The following ADGRL3 variants were observed in gnomAD, a reference collection of about 807,000 sequenced individuals.
The protein encoded by ADGRL3 is calcium-independent alpha-latrotoxin receptor 3.
Under a neutral mutation model 153.5 loss-of-function variants are expected in ADGRL3, and 62 were observed. The ratio of observed to expected loss-of-function variants is 0.40; its 90% CI spans 0.33 to 0.50. The LOEUF is 0.50. Ranked by LOEUF, ADGRL3 falls within the 20% of genes least tolerant of loss-of-function variation. The pLI is 0.47. For missense variants in ADGRL3, 1,641 were observed against 1,859.4 expected, an observed-to-expected ratio of 0.88 and a Z score of 2.16; for synonymous variants, 710 against 672.5, an observed-to-expected ratio of 1.06 and a Z score of -0.86.
At chr4:61,934,171 A>G (rs960825052) in intron 13 of ADGRL3, among the ~76,000 whole-genome samples, 2 of 152,210 alleles carry the variant, frequency 1.3e-5, no homozygotes, top group African/African-American at 4.8e-5. Flanking sequence ...TTTTTAAAAG[A>G]TAAAACACCT....
intron 1 of ADGRL3, among the ~76,000 whole-genome samples, chr4:61,272,954 G>C (rs913962928): frequency 6.6e-5 from 10 of 152,058 alleles, no homozygotes; most frequent in Non-Finnish European, 1.3e-4. Flanking sequence ...GAGTGGCTGG[G>C]TTTGCCTCAG....
intron 3 of ADGRL3, among the ~76,000 whole-genome samples, chr4:61,504,463 G>T (rs1011647433): frequency 6.6e-6 from 1 of 152,048 alleles, no homozygotes; most frequent in Non-Finnish European, 1.5e-5. Flanking sequence ...AGGGTAATTA[G>T]GGTGTCTGTC....
chr4:61,255,626 C>G (rs888351073), intron 1 of ADGRL3, among the ~76,000 whole-genome samples: 3 of 152,080 alleles, frequency 2.0e-5, no homozygotes, highest in Admixed American at 1.3e-4. Context: ...ATCAATGTTA[C>G]GAAATTCCAT....
intron 1 of ADGRL3, among the ~76,000 whole-genome samples, chr4:61,350,371 G>T (rs2096018292): frequency 2.7e-5 from 4 of 147,748 alleles, no homozygotes; most frequent in Non-Finnish European, 1.5e-5. Context: ...TTCTATCTGG[G>T]GAAATGTACA....
chr4:61,718,489 T>C (rs1242030323), intron 6 of ADGRL3, among the ~76,000 whole-genome samples: 2 of 152,220 alleles, frequency 1.3e-5, no homozygotes, highest in African/African-American at 4.8e-5. Context: ...ATATAACTTC[T>C]ATTTGAAATG....
chr4:61,995,969 T>A (rs2151033870), intron 19 of ADGRL3, among the ~76,000 whole-genome samples: 1 of 152,318 alleles, frequency 6.6e-6, no homozygotes, highest in Non-Finnish European at 1.5e-5. Context: ...TAAAGCTACT[T>A]GATTTAATGG....
intron 9 of ADGRL3, among the ~76,000 whole-genome samples, chr4:61,864,530 C>G (rs902700859): frequency 2.1e-4 from 32 of 152,206 alleles, no homozygotes; most frequent in African/African-American, 7.7e-4. Flanking sequence ...CCACAAAAAG[C>G]CAAGCTTTTA....
intron 1 of ADGRL3, among the ~76,000 whole-genome samples, chr4:61,293,894 G>A (rs1037296190): frequency 6.6e-5 from 10 of 152,154 alleles, no homozygotes; most frequent in African/African-American, 2.4e-4. Context: ...CTTCACAGAT[G>A]TGAAAAGGTC....
chr4:61,898,650 G>T (rs912438476), intron 11 of ADGRL3, among the ~76,000 whole-genome samples: 1 of 149,534 alleles, frequency 6.7e-6, no homozygotes, highest in Admixed American at 6.7e-5. Flanking sequence ...ATGAAGTCTC[G>T]CTCTGTCACC....
chr4:61,933,133 A>G (rs911896466), intron 13 of ADGRL3, among the ~76,000 whole-genome samples: 1 of 152,102 alleles, frequency 6.6e-6, no homozygotes, highest in African/African-American at 2.4e-5. Flanking sequence ...CATAAGGAAC[A>G]GACATAATTT....
chr4:61,270,109 A>G (rs986661711), intron 1 of ADGRL3, among the ~76,000 whole-genome samples: 1 of 151,672 alleles, frequency 6.6e-6, no homozygotes, highest in East Asian at 1.9e-4. Context: ...ACCCCAATTT[A>G]CTTAGAGGTA....
chr4:61,265,386 A>T (rs1022841080), intron 1 of ADGRL3, among the ~76,000 whole-genome samples: 5 of 151,774 alleles, frequency 3.3e-5, no homozygotes, highest in African/African-American at 7.2e-5. Context: ...ATGCCTGATG[A>T]TTCTGGGCTG....
chr4:61,750,788 T>C (rs2096746445), intron 8 of ADGRL3, among the ~76,000 whole-genome samples: 1 of 90,664 alleles, frequency 1.1e-5, no homozygotes, highest in African/African-American at 8.5e-5. Flanking sequence ...AGACTCCGTC[T>C]CAAAAAAGAA....
chr4:61,497,467 A>G (rs1231874406), intron 3 of ADGRL3, 119 bp downstream of exon 3: 4 of 547,236 alleles, frequency 7.3e-6, no homozygotes, highest in Non-Finnish European at 1.2e-5. Context: ...ATATGTTAGT[A>G]TGAGTAAGTT....
intron 6 of ADGRL3, among the ~76,000 whole-genome samples, chr4:61,709,131 A>G (rs991856005): frequency 5.9e-5 from 9 of 152,270 alleles, no homozygotes; most frequent in African/African-American, 2.2e-4. Flanking sequence ...TTCAAGGCCT[A>G]TTATACACAG....
chr4:61,485,692 T>A (rs2098183357), intron 2 of ADGRL3, among the ~76,000 whole-genome samples: 1 of 152,176 alleles, frequency 6.6e-6, no homozygotes, highest in Admixed American at 6.5e-5. Context: ...TGGAAGGAGT[T>A]GGAATAGGAT....
At chr4:61,736,394 C>T (rs1013801425) in intron 8 of ADGRL3, among the ~76,000 whole-genome samples, 1 of 152,162 alleles carries the variant, frequency 6.6e-6, no homozygotes, top group African/African-American at 2.4e-5. Flanking sequence ...TGGCTCTTGC[C>T]TGTAATCCCA....
In ADGRL3 at chr4:61,869,455, G is replaced by A. The variant is rs553044433; in HGVS notation, c.1481-23201G>A. 7.5e-3 allele frequency among the ~76,000 whole-genome samples: 1,130 copies of A among 151,496 alleles called. 8 individuals carry two copies. Among genetic ancestry groups the A allele is most frequent in the Admixed American group, 0.011 (165 of 15,178 alleles). On this transcript the variant is annotated intron_variant, in intron 9 of 26. Coordinates refer to ENST00000683033, the MANE Select transcript of ADGRL3 (RefSeq NM_001387552.1). ...CTACTAAAAATACAAAAAATTAGCC[G>A]GGCGCGGTGGCGGGCGCCTGTAGTC...
At chr4:61,541,259 G>A (rs2098688691) in intron 4 of ADGRL3, among the ~76,000 whole-genome samples, 1 of 151,932 alleles carries the variant, frequency 6.6e-6, no homozygotes, top group Admixed American at 6.6e-5. Context: ...TTCACCCTGA[G>A]AGAACCTGTA....
Sources: allele counts gnomAD v4.1 joint callset (sites outside exome capture counted in the v4.1 genomes callset), GRCh38; gene constraint gnomAD v4.1.1; transcripts MANE v1.5; gene names NCBI Gene and HGNC (gene_info 2026-07-23, HGNC 2026-07-21).